TTC23L: variants seen among roughly 807,000 people sequenced by gnomAD.
The protein encoded by TTC23L is tetratricopeptide repeat domain 23 like.
A neutral mutation model predicts 48.1 loss-of-function variants in TTC23L; 42 were observed. The observed-to-expected ratio is 0.87, with a 90% CI of 0.68 to 1.13. TTC23L has a LOEUF of 1.13. Among genes scored for constraint, TTC23L ranks in the 50% most tolerant of loss-of-function variants. The pLI is 0.00. For missense variants in TTC23L, 391 were observed against 421.0 expected (o/e 0.93, Z 0.62); for synonymous variants, 159 against 157.2 (o/e 1.01, Z -0.09).
intron 8 of TTC23L, among the ~76,000 whole-genome samples, chr5:34,871,731 A>G (rs1435814835): frequency 6.6e-6 from 1 of 152,216 alleles, no homozygotes; most frequent in Non-Finnish European, 1.5e-5. Flanking sequence ...ATCAGACACC[A>G]ATAATATCTC....
chr5:34,856,295 A>G (rs1274287646), intron 4 of TTC23L, among the ~76,000 whole-genome samples: 1 of 152,232 alleles, frequency 6.6e-6, no homozygotes, highest in Non-Finnish European at 1.5e-5. Context: ...GCTTAAAGGA[A>G]ATGCTCACTG....
At chr5:34,864,649 A>T (rs1760920689) in intron 6 of TTC23L, 87 bp downstream of exon 6, 1 of 1,434,396 alleles carries the variant, frequency 7.0e-7, no homozygotes, top group African/African-American at 1.4e-5. Flanking sequence ...TTAGAGCAAA[A>T]AAACCCAGAA....
At chr5:34,922,256 G>A in the TTC23L span, 1 of 1,591,894 alleles carries the variant, frequency 6.3e-7, no homozygotes, top group Non-Finnish European at 8.6e-7. Context: ...CATCTATTTT[G>A]AAGCTAAGAA....
chr5:34,873,215 AAAGT>A (rs1229444911), intron 8 of TTC23L, among the ~76,000 whole-genome samples: 4 of 152,268 alleles, frequency 2.6e-5, no homozygotes, highest in Admixed American at 6.5e-5. Flanking sequence ...ATTAAACTAC[AAAGT>A]AAGATTTCAT....
At chr5:34,846,661 G>GTA (rs1474801800) in intron 3 of TTC23L, among the ~76,000 whole-genome samples, 1 of 70,848 alleles carries the variant, frequency 1.4e-5, no homozygotes, top group Admixed American at 1.7e-4. Flanking sequence ...ATACATATAT[G>GTA]TGTGTATGTG....
At chr5:34,913,849 A>C in the TTC23L span, 1 of 488,792 alleles carries the variant, frequency 2.0e-6, no homozygotes, top group East Asian at 4.7e-5. Flanking sequence ...TAGACGAATG[A>C]CTTGATAATG....
the TTC23L span, among the ~76,000 whole-genome samples, chr5:34,910,150 A>G: frequency 3.3e-5 from 5 of 152,156 alleles, no homozygotes; most frequent in Non-Finnish European, 5.9e-5. Context: ...GCAGGTACTT[A>G]AAATTTAACA....
chr5:34,921,368 C>T, the TTC23L span: 1 of 151,954 alleles, frequency 6.6e-6, no homozygotes, highest in Non-Finnish European at 1.5e-5. Flanking sequence ...ACCAAATCAC[C>T]AGAAATGATA....
chr5:34,867,004 G>A (rs768483977), exon 7 of TTC23L: 10 of 1,611,898 alleles, frequency 6.2e-6, no homozygotes, highest in Non-Finnish European at 8.5e-6. Context: ...CAGCCTGTAC[G>A]AGGAAGCTGC....
At chr5:34,849,368 C>G (rs1451521879) in intron 3 of TTC23L, among the ~76,000 whole-genome samples, 1 of 152,114 alleles carries the variant, frequency 6.6e-6, no homozygotes, top group Non-Finnish European at 1.5e-5. Context: ...AACCCAACTA[C>G]TAATATAAAG....
chr5:34,914,955 C>G, the TTC23L span: 2 of 1,568,800 alleles, frequency 1.3e-6, no homozygotes, highest in African/African-American at 2.7e-5. Flanking sequence ...GGCGGATCGC[C>G]AAACACCTGA....
At chr5:34,922,755 T>C in the TTC23L span, 1 of 1,613,948 alleles carries the variant, frequency 6.2e-7, no homozygotes, top group South Asian at 1.1e-5. Context: ...CGGCCCCTTT[T>C]GTCTTTTGAC....
chr5:34,913,633 A>C, the TTC23L span: 1 of 1,058,866 alleles, frequency 9.4e-7, no homozygotes. Context: ...AACTAATAAT[A>C]TAAGGTCCTA....
chr5:34,892,326 A>C (rs960525352), intron 9 of TTC23L, among the ~76,000 whole-genome samples: 1 of 152,188 alleles, frequency 6.6e-6, no homozygotes, highest in Non-Finnish European at 1.5e-5. Context: ...GGCTCCTTGA[A>C]ATCAGAGTTA....
At chr5:34,898,645 A>C (rs1008570869) in intron 10 of TTC23L, among the ~76,000 whole-genome samples, 1 of 152,190 alleles carries the variant, frequency 6.6e-6, no homozygotes, top group Non-Finnish European at 1.5e-5. Flanking sequence ...ACTGCAAAGG[A>C]AGTTAAAGTG....
At chr5:34,915,465 G>A in the TTC23L span, 5 of 388,554 alleles carry the variant, frequency 1.3e-5, no homozygotes, top group Non-Finnish European at 1.9e-5. Flanking sequence ...CAAAGTCCCT[G>A]AAGAGGAGCG....
chr5:34,899,446 C>T (rs1459340951), exon 11 of TTC23L: 1 of 152,608 alleles, frequency 6.6e-6, no homozygotes, highest in African/African-American at 2.4e-5. Context: ...TAAAGACAAC[C>T]TTGTTGATGA....
chr5:34,839,423 C>CTCGACCTG (rs1758400515), intron 1 of TTC23L, 164 bp downstream of exon 1: 2 of 156,908 alleles, frequency 1.3e-5, no homozygotes, highest in African/African-American at 4.8e-5. Flanking sequence ...GCTCTCAGAG[C>CTCGACCTG]TCGACCTGCG....
chr5:34,878,653 A>G (rs1406493083), intron 8 of TTC23L, among the ~76,000 whole-genome samples: 1 of 152,238 alleles, frequency 6.6e-6, no homozygotes, highest in Non-Finnish European at 1.5e-5. Context: ...ATCTTACTGT[A>G]GTCACAGTGG....
Sources: allele counts gnomAD v4.1 joint callset (sites outside exome capture counted in the v4.1 genomes callset), GRCh38; gene constraint gnomAD v4.1.1; transcripts MANE v1.5; gene names NCBI Gene and HGNC (gene_info 2026-07-23, HGNC 2026-07-21).